The following DZIP3 variants were observed in gnomAD, a reference collection of about 807,000 sequenced individuals.
DZIP3 encodes DAZ interacting zinc finger protein 3.
In DZIP3, 118 loss-of-function variants were observed where a neutral mutation model predicts 162.0. The observed-to-expected ratio is 0.73, with a 90% CI of 0.63 to 0.85. The LOEUF is 0.85. DZIP3 is among the 40% of genes least tolerant of loss of function. The probability of loss-of-function intolerance (pLI) is 0.00; values close to 1 mark genes in which losing one functional copy is unlikely to be tolerated. For synonymous variants in DZIP3, 438 were observed against 458.6 expected, an observed-to-expected ratio of 0.96 and a Z score of 0.57; for missense variants, 1,331 against 1,407.0, an observed-to-expected ratio of 0.95 and a Z score of 0.86.
Position 108,605,575 on chromosome 3 carries a change from C to T in DZIP3, c.32+137C>T, listed in dbSNP as rs1940304155. 5.9e-6 allele frequency: 5 copies of T among 843,938 alleles called. No individual in the cohort carries two copies. The South Asian group carries it at 6.6e-5, about 11-fold the overall frequency. 52.3% of individuals were successfully genotyped at this position (843,938 alleles called of 1,614,324 possible). A position where few individuals can be genotyped will look rare whatever the true frequency, so the allele number is the denominator to read the frequency against. ...TTCAGATCATCAGGCATTAGATTCT[C>T]ACAAGGAGTGGGCAACTTAGATCCT... On this transcript the variant is annotated intron_variant, in intron 2 of 32. Transcript: ENST00000361582.
rs1332236524 is a variant in DZIP3 at position 108,672,546 on chromosome 3, A to T, written c.2493-14A>T. 3 of 1,604,490 alleles carry T rather than the reference A, an allele frequency of 1.9e-6. No individual in the cohort carries two copies. The highest frequency in any genetic ancestry group is 2.7e-5 in the African/African-American group (2 of 74,604). ...GATGTAATATTGCGAGTCTTTAATG[A>T]TCATGTATTTCAGATCTCAGTGGGA... On this transcript the variant is annotated splice_polypyrimidine_tract_variant and intron_variant, in intron 22 of 32. Coordinates refer to ENST00000361582, the MANE Select transcript of DZIP3 (RefSeq NM_014648.4).
At position 108,609,630 on chromosome 3, in the gene DZIP3, C is replaced by T. The variant is rs975904030; in HGVS notation, c.102+1472C>T. ...TGTGGGCGGATTGATTGCTTAAGCT[C>T]AAGAGTTTGAGACCAGCCTTTACAA... On this transcript the variant is annotated intron_variant, in intron 3 of 32. Transcript: ENST00000361582. 3.9e-5 allele frequency among the ~76,000 whole-genome samples: 6 copies of T among 152,232 alleles called. No homozygotes were observed. The East Asian group carries it at 1.2e-3, about 29-fold the overall frequency.
chr3:108,670,282 A>C (rs1248987682), intron 22 of DZIP3, among the ~76,000 whole-genome samples: 1 of 151,898 alleles, frequency 6.6e-6, no homozygotes, highest in Non-Finnish European at 1.5e-5. Flanking sequence ...GAAACCCATT[A>C]GATGTCATTC....
At chr3:108,647,507 A>G (rs1942682465) in intron 15 of DZIP3, among the ~76,000 whole-genome samples, 1 of 152,184 alleles carries the variant, frequency 6.6e-6, no homozygotes, top group Admixed American at 6.5e-5. Context: ...AAGGTCACAT[A>G]ATAGGGGGCT....
At chr3:108,620,805 ATTGTTTTTGTTTTGTTTTGTT>A (rs1941293742) in intron 5 of DZIP3, among the ~76,000 whole-genome samples, 1 of 152,028 alleles carries the variant, frequency 6.6e-6, no homozygotes. Flanking sequence ...TTAAAAGATC[ATTGTTTTTGTTTTGTTTTGTT>A]TTGTTTTTGT....
rs766353855 is a variant in DZIP3, at chr3:108,688,048, T to G, written c.3222T>G (p.Asp1074Glu). ...YGKSLSELTF[D>E]EIVCKISQFI... ...AATCCTTGTCTGAACTGACATTTGA[T>G]GAAATTGTTTGCAAGATTTCCCAGT... The change falls in exon 29 of 33, where the codon GAT (aspartate) becomes GAG (glutamate). Residue 1074 changes from aspartate (D) to glutamate (E), a missense_variant. This residue lies in a region of DZIP3 where 1,278 missense variants were observed against 1,317.1 expected (regional missense o/e 0.97). Transcript: ENST00000361582. The G allele has an allele frequency of 1.2e-6, 2 of 1,613,724 alleles. No individual in the cohort carries two copies. The highest frequency in any genetic ancestry group is 1.7e-6 in the Non-Finnish European group (2 of 1,179,790).
chr3:108,688,712 C>T lies in DZIP3; in HGVS notation c.3390C>T (p.Ala1130=). 6.2e-7 allele frequency: 1 copy of T among 1,614,008 alleles called. No homozygotes were observed. Among genetic ancestry groups the T allele is most frequent in the Non-Finnish European group, 8.5e-7 (1 of 1,179,978 alleles). The part of the protein sequence containing the change: ...AWRPLTSQGP[A]TWEGASNPDE... ...GGCCACTCACTTCACAGGGTCCTGC[C>T]ACATGGGAAGGAGCCAGTAATCCAG... Residue 1130 remains alanine (A), a synonymous_variant, in exon 30 of 33, where the codon GCC becomes GCT. Coordinates refer to ENST00000361582, the MANE Select transcript of DZIP3 (RefSeq NM_014648.4).
chr3:108,624,426 ATAT>A lies in DZIP3; in HGVS notation c.376-16_376-14del, dbSNP rs1559735815. The A allele has an allele frequency of 7.0e-7, 1 of 1,432,736 alleles. No homozygotes were observed. 88.8% of individuals were successfully genotyped at this position (1,432,736 alleles called of 1,614,324 possible). A position where few individuals can be genotyped will look rare whatever the true frequency, so the allele number is the denominator to read the frequency against. Reference sequence around the variant, plus strand: ...AGCTTAGTCTAAATAACCAATTAACATATTTTTTTCTTTGTAGGCACACCAGAT... The same window carrying A: ...AGCTTAGTCTAAATAACCAATTAACATTTTTTCTTTGTAGGCACACCAGAT... On this transcript the variant is annotated splice_polypyrimidine_tract_variant and intron_variant, in intron 5 of 32. Transcript: ENST00000361582.
chr3:108,664,445 TC>T (rs1236834247), intron 21 of DZIP3, among the ~76,000 whole-genome samples: 1 of 152,168 alleles, frequency 6.6e-6, no homozygotes, highest in Non-Finnish European at 1.5e-5. Flanking sequence ...ACTTCCAAGT[TC>T]CACTGGGGAG....
intron 12 of DZIP3, among the ~76,000 whole-genome samples, chr3:108,638,317 T>TCTTGTTTG (rs112009645): frequency 6.6e-6 from 1 of 151,712 alleles, no homozygotes; most frequent in African/African-American, 2.4e-5. Flanking sequence ...ATTTAGGTTT[T>TCTTGTTTG]TTTGTTTGTT....
chr3:108,661,838 TGAGGAAA>T, intron 19 of DZIP3, 32 bp from the exon 20 acceptor site: 1 of 1,542,224 alleles, frequency 6.5e-7, no homozygotes, highest in Admixed American at 2.0e-5. Flanking sequence ...AATTTTTTTT[TGAGGAAA>T]ATAATACATG....
intron 11 of DZIP3, 80 bp from the exon 12 acceptor site, chr3:108,637,416 A>G (rs896171671): frequency 1.2e-5 from 16 of 1,291,318 alleles, no homozygotes; most frequent in Non-Finnish European, 2.2e-6. Flanking sequence ...GTATGTTTCA[A>G]ATGTTAAGCT....
chr3:108,643,118 A>G (rs1034571360), intron 13 of DZIP3, among the ~76,000 whole-genome samples: 2 of 152,192 alleles, frequency 1.3e-5, no homozygotes, highest in South Asian at 4.1e-4. Context: ...TCAAGCAAAA[A>G]CGTTAATTTA....
At chr3:108,631,056 C>CACACACACACATACACTCTCTCTG (rs1385172484) in intron 8 of DZIP3, among the ~76,000 whole-genome samples, 1 of 28,996 alleles carries the variant, frequency 3.4e-5, no homozygotes, top group South Asian at 1.4e-3. Flanking sequence ...CACACACACA[C>CACACACACACATACACTCTCTCTG]TCTCTCTCTC....
intron 1 of DZIP3, among the ~76,000 whole-genome samples, chr3:108,599,926 A>G (rs1939911750): frequency 6.6e-6 from 1 of 152,216 alleles, no homozygotes; most frequent in Non-Finnish European, 1.5e-5. Flanking sequence ...GTACTTTACT[A>G]TAGCAGCCCC....
chr3:108,636,904 A>G (rs182321950), intron 11 of DZIP3, among the ~76,000 whole-genome samples, 196 bp downstream of exon 11: 6 of 152,108 alleles, frequency 3.9e-5, no homozygotes, highest in Admixed American at 3.9e-4. Flanking sequence ...AGAACAGTAA[A>G]AAATTAAGAA....
intron 1 of DZIP3, among the ~76,000 whole-genome samples, chr3:108,599,915 A>G (rs1306960605): frequency 6.6e-6 from 1 of 152,188 alleles, no homozygotes; most frequent in African/African-American, 2.4e-5. Context: ...TTGTTTCTAT[A>G]GTACTTTACT....
At position 108,677,658 on chromosome 3, in the gene DZIP3, G is replaced by A. The variant is rs1043432782; in HGVS notation, c.2883+60G>A. ...TCATTTTGACAAAATGGTAAGGGCT[G>A]TGAAACACTGAATATGCAGTATGTT... On this transcript the variant is annotated intron_variant, in intron 26 of 32. Transcript: ENST00000361582. The A allele has an allele frequency of 5.9e-5, 81 of 1,383,168 alleles. 1 individual carries two copies. In the Admixed American group the frequency reaches 7.2e-4, roughly 12 times the overall value. 85.7% of individuals were successfully genotyped at this position (1,383,168 alleles called of 1,614,324 possible). A position where few individuals can be genotyped will look rare whatever the true frequency, so the allele number is the denominator to read the frequency against.
intron 3 of DZIP3, 30 bp downstream of exon 3, chr3:108,608,188 T>A: frequency 2.8e-6 from 4 of 1,452,488 alleles, no homozygotes; most frequent in Non-Finnish European, 3.8e-6. Context: ...TCATTAACTG[T>A]TAGTTAATTG....
Sources: allele counts gnomAD v4.1 joint callset (sites outside exome capture counted in the v4.1 genomes callset), GRCh38; gene constraint gnomAD v4.1.1; regional missense constraint gnomAD v4.1.1; transcripts MANE v1.5; gene names NCBI Gene and HGNC (gene_info 2026-07-23, HGNC 2026-07-21).